Variants in CEP126 observed in about 807,000 individuals in gnomAD.
CEP126 encodes centrosomal protein of 126 kDa.
CEP126 carries 74 observed loss-of-function variants against 107.8 expected under a neutral mutation model. The observed-to-expected ratio is 0.69, with a 90% CI of 0.57 to 0.83. The LOEUF (loss-of-function observed/expected upper bound fraction) is 0.83, where lower values mean the gene tolerates loss of function less well. CEP126 is among the 40% of genes least tolerant of loss of function. The pLI is 0.00. For missense variants in CEP126, 1,237 were observed against 1,281.9 expected (o/e 0.96, Z 0.53); for synonymous variants, 449 against 446.0 (o/e 1.01, Z -0.08).
At chr11:101,920,881 C>T (rs1248424490) in intron 1 of CEP126, among the ~76,000 whole-genome samples, 2 of 152,136 alleles carry the variant, frequency 1.3e-5, no homozygotes, top group Non-Finnish European at 2.9e-5. Flanking sequence ...GTTGGGATTA[C>T]AGGTGTGAGC....
At chr11:101,995,612 G>C (rs952184511) in intron 10 of CEP126, among the ~76,000 whole-genome samples, 1 of 152,174 alleles carries the variant, frequency 6.6e-6, no homozygotes, top group African/African-American at 2.4e-5. Context: ...AGCCTGCACT[G>C]ATGAGGAAAG....
intron 2 of CEP126, among the ~76,000 whole-genome samples, chr11:101,941,402 CT>C: frequency 6.6e-6 from 1 of 152,052 alleles, no homozygotes; most frequent in Non-Finnish European, 1.5e-5. Context: ...AACATTTGTC[CT>C]TTTGTGAGTG....
At chr11:101,954,527 A>G (rs936142742) in intron 4 of CEP126, among the ~76,000 whole-genome samples, 2 of 152,190 alleles carry the variant, frequency 1.3e-5, no homozygotes, top group Non-Finnish European at 2.9e-5. Flanking sequence ...TTTGTTTTAT[A>G]GAAATGATCT....
In CEP126 at chr11:101,915,418, C is replaced by T. The variant is rs1007894009; in HGVS notation, c.128+6C>T. The stretch of plus-strand genomic sequence containing the variant: ...CACCGACCTGGCTCTTACCTGTATC[C>T]TTCCCAGCCTGTGGCTGCCAGGGTA... On this transcript the variant is annotated splice_donor_region_variant and intron_variant, in intron 1 of 10. Transcript: ENST00000263468. 6.2e-6 allele frequency: 10 copies of T among 1,602,938 alleles called. No homozygotes were observed. Among genetic ancestry groups the T allele is most frequent in the Middle Eastern group, 1.7e-4 (1 of 6,046 alleles).
At chr11:101,978,611 T>C in intron 7 of CEP126, 152 bp downstream of exon 7, 1 of 568,226 alleles carries the variant, frequency 1.8e-6, no homozygotes, top group South Asian at 2.5e-5. Flanking sequence ...TCTTGGAATC[T>C]TTATGCTAGG....
At position 101,993,094 on chromosome 11, in the gene CEP126, G is replaced by C. The variant is rs145631532; in HGVS notation, c.3309+252G>C. Among the ~76,000 whole-genome samples the C allele has an allele frequency of 2.7e-3, 413 of 152,316 alleles. 2 individuals carry two copies. The highest frequency in any genetic ancestry group is 9.7e-3 in the African/African-American group (403 of 41,582). On this transcript the variant is annotated intron_variant, in intron 10 of 10. Transcript: ENST00000263468. ...GTTTAGGTTCAGGGGTACATGTGCAGGTTTGTTAAATAAGTAAATTGTGTA... is the reference window on the plus strand; with the variant it reads ...GTTTAGGTTCAGGGGTACATGTGCACGTTTGTTAAATAAGTAAATTGTGTA...
chr11:101,943,807 AG>A (rs1201426152), intron 2 of CEP126, among the ~76,000 whole-genome samples: 2 of 152,130 alleles, frequency 1.3e-5, no homozygotes, highest in African/African-American at 4.8e-5. Context: ...TTTTTAGCAC[AG>A]TTCCAACTTC....
chr11:101,938,085 G>C (rs950134634), intron 2 of CEP126, among the ~76,000 whole-genome samples: 3 of 147,108 alleles, frequency 2.0e-5, no homozygotes, highest in African/African-American at 5.0e-5. Context: ...CCCGGGAAGC[G>C]GAGCTTGCAG....
chr11:101,920,832 C>G (rs934117205), intron 1 of CEP126, among the ~76,000 whole-genome samples: 1 of 152,144 alleles, frequency 6.6e-6, no homozygotes, highest in Non-Finnish European at 1.5e-5. Flanking sequence ...TCTCAAACTC[C>G]TGGGCTCAAG....
At chr11:101,927,767 T>C (rs1408395578) in intron 2 of CEP126, among the ~76,000 whole-genome samples, 1 of 152,204 alleles carries the variant, frequency 6.6e-6, no homozygotes, top group Non-Finnish European at 1.5e-5. Context: ...TTATTATTAT[T>C]ATTATTTCAT....
At chr11:101,989,749 G>A (rs1941355442) in intron 9 of CEP126, among the ~76,000 whole-genome samples, 1 of 152,108 alleles carries the variant, frequency 6.6e-6, no homozygotes, top group Non-Finnish European at 1.5e-5. Context: ...CACGAGGCCA[G>A]GAGATTGAGA....
intron 1 of CEP126, among the ~76,000 whole-genome samples, chr11:101,920,002 A>G (rs1940298126): frequency 6.6e-6 from 1 of 152,224 alleles, no homozygotes. Context: ...TGTGCTAGCA[A>G]AGAACCAAAT....
intron 2 of CEP126, among the ~76,000 whole-genome samples, chr11:101,930,066 A>G (rs1940471455): frequency 6.6e-6 from 1 of 151,134 alleles, no homozygotes; most frequent in East Asian, 1.9e-4. Flanking sequence ...CAAAAAGAAA[A>G]CCCAGAGAAC....
chr11:101,951,455 G>C (rs1248663092), intron 4 of CEP126, among the ~76,000 whole-genome samples: 1 of 152,012 alleles, frequency 6.6e-6, no homozygotes, highest in African/African-American at 2.4e-5. Context: ...GAGCCACAGT[G>C]AGCTATGATC....
At position 101,997,847 on chromosome 11, in the gene CEP126, C is replaced by A; in HGVS notation, c.*204C>A. On this transcript the variant is annotated 3_prime_UTR_variant, in exon 11 of 11. Transcript: ENST00000263468. ...GAAGTTTAACAGAGTTCTGAGAATA[C>A]CATGAAAGACATTATGCCTGCCTAA... 1 of 612,276 alleles carries A rather than the reference C, an allele frequency of 1.6e-6. No individual in the cohort carries two copies. The highest frequency in any genetic ancestry group is 2.8e-6 in the Non-Finnish European group (1 of 361,232). The allele number at this position is 612,276 out of a possible 1,614,324, so 37.9% of individuals were successfully genotyped here.
At chr11:101,939,902 A>G in intron 2 of CEP126, among the ~76,000 whole-genome samples, 1 of 152,324 alleles carries the variant, frequency 6.6e-6, no homozygotes, top group East Asian at 1.9e-4. Context: ...AGCCATATTA[A>G]AGGACAGACC....
intron 6 of CEP126, among the ~76,000 whole-genome samples, chr11:101,965,465 A>G (rs1482883109): frequency 6.6e-6 from 1 of 152,216 alleles, no homozygotes; most frequent in South Asian, 2.1e-4. Flanking sequence ...AAGCCACATT[A>G]GCAGAAGGGA....
Position 101,964,653 on chromosome 11 carries a change from C to A in CEP126, c.2845+773C>A, listed in dbSNP as rs777889098. The stretch of plus-strand genomic sequence containing the variant: ...GACTCTATCTAAAAAAAAAAAACAA[C>A]AACAACATTGTGACGTTAGTAGCTG... On this transcript the variant is annotated intron_variant, in intron 6 of 10. Transcript: ENST00000263468. Among the ~76,000 whole-genome samples the A allele has an allele frequency of 3.6e-3, 535 of 149,464 alleles. 1 individual carries two copies. The highest frequency in any genetic ancestry group is 0.017 in the Middle Eastern group (5 of 288).
In CEP126 at chr11:101,989,076, C is replaced by T. The variant is rs560375829; in HGVS notation, c.3244+2035C>T. Among the ~76,000 whole-genome samples the T allele has an allele frequency of 2.0e-5, 3 of 152,154 alleles. No homozygotes were observed. In the South Asian group the frequency reaches 6.2e-4, roughly 32 times the overall value. ...ATGAACCATGTATAAGACCATGAAA[C>T]AAGCCTTAACACATTTCAAAGGATC... On this transcript the variant is annotated intron_variant, in intron 9 of 10. Transcript: ENST00000263468.
Sources: gnomAD v4.1 joint callset for allele counts (sites outside exome capture counted in the v4.1 genomes callset) on GRCh38, gnomAD v4.1.1 for gene constraint, MANE v1.5 for transcripts, NCBI Gene and HGNC (gene_info 2026-07-23, HGNC 2026-07-21) for gene names.